Variants in MTREX observed in about 807,000 individuals in gnomAD.
MTREX encodes exosome RNA helicase MTR4.
In MTREX, 76 loss-of-function variants were observed where a neutral mutation model predicts 135.4. The ratio of observed to expected loss-of-function variants is 0.56; its 90% CI spans 0.47 to 0.68. The LOEUF (loss-of-function observed/expected upper bound fraction) is 0.68. MTREX is among the 30% of genes least tolerant of loss of function. The probability of loss-of-function intolerance (pLI) is 0.00; values close to 1 mark genes in which losing one functional copy is unlikely to be tolerated. For missense variants in MTREX, 920 were observed against 1,262.1 expected (o/e 0.73, Z 4.11); for synonymous variants, 404 against 401.6 (o/e 1.01, Z -0.07).
chr5:55,399,879 A>G (rs779441047), intron 20 of MTREX, among the ~76,000 whole-genome samples: 1 of 152,210 alleles, frequency 6.6e-6, no homozygotes, highest in Non-Finnish European at 1.5e-5. Context: ...CAGTTTAAAC[A>G]TAGATGCTCA....
At chr5:55,407,180 G>A (rs1042624779) in intron 22 of MTREX, among the ~76,000 whole-genome samples, 6 of 152,200 alleles carry the variant, frequency 3.9e-5, no homozygotes, top group East Asian at 3.9e-4. Context: ...TAATTATATC[G>A]TTCATCTGTC....
rs1026411078 is a variant in MTREX, at chr5:55,308,000, C to T, written c.-14C>T. 7 of 1,613,986 alleles carry T rather than the reference C, an allele frequency of 4.3e-6. No individual in the cohort carries two copies. In the Admixed American group the frequency reaches 8.3e-5, roughly 19 times the overall value. On this transcript the variant is annotated 5_prime_UTR_variant, in exon 1 of 27. Transcript: ENST00000230640. ...CGTGGGTAGGAGGGAGATTTGCTCTCACTGCTCCCAAAAATGGCGGACGCA... is the reference window on the plus strand; with the variant it reads ...CGTGGGTAGGAGGGAGATTTGCTCTTACTGCTCCCAAAAATGGCGGACGCA...
intron 19 of MTREX, among the ~76,000 whole-genome samples, chr5:55,389,738 C>T (rs142097783): frequency 7.2e-4 from 109 of 152,242 alleles, no homozygotes; most frequent in African/African-American, 2.6e-3. Flanking sequence ...GAAAGAACTT[C>T]ACATTTTTCT....
chr5:55,383,360 A>G (rs952566190), intron 18 of MTREX, among the ~76,000 whole-genome samples: 1 of 152,192 alleles, frequency 6.6e-6, no homozygotes, highest in Non-Finnish European at 1.5e-5. Context: ...TGGATCTGCC[A>G]GAAACAGATT....
intron 16 of MTREX, among the ~76,000 whole-genome samples, chr5:55,372,216 G>C (rs1750214940): frequency 6.6e-6 from 1 of 151,848 alleles, no homozygotes; most frequent in South Asian, 2.1e-4. Context: ...TTTTTTTCCT[G>C]ATAATGTTTA....
intron 9 of MTREX, 138 bp downstream of exon 9, chr5:55,344,758 T>C: frequency 1.7e-6 from 1 of 581,994 alleles, no homozygotes; most frequent in Non-Finnish European, 3.0e-6. Context: ...TCAATCGATC[T>C]TGATTTTTTT....
At chr5:55,391,344 G>A (rs992316636) in intron 19 of MTREX, among the ~76,000 whole-genome samples, 22 of 152,042 alleles carry the variant, frequency 1.4e-4, no homozygotes, top group African/African-American at 3.9e-4. Flanking sequence ...CTGTTTTGGA[G>A]GCTGAAGTGG....
chr5:55,415,899 C>T, intron 24 of MTREX, 71 bp from the exon 25 acceptor site: 4 of 1,130,068 alleles, frequency 3.5e-6, no homozygotes, highest in South Asian at 3.5e-5. Context: ...GGAATACTGG[C>T]TTGGAAACCT....
At chr5:55,309,684 G>C (rs1276863495) in intron 1 of MTREX, among the ~76,000 whole-genome samples, 3 of 152,308 alleles carry the variant, frequency 2.0e-5, no homozygotes, top group Admixed American at 2.0e-4. Context: ...GTAGGAAAAT[G>C]TCCACTGGGT....
intron 2 of MTREX, 50 bp downstream of exon 2, chr5:55,322,514 A>G: frequency 7.0e-7 from 1 of 1,425,654 alleles, no homozygotes; most frequent in Non-Finnish European, 9.4e-7. Context: ...TCAGGTGGTT[A>G]CATGAGGTTT....
At chr5:55,359,825 TC>T (rs1230546953) in intron 15 of MTREX, among the ~76,000 whole-genome samples, 1 of 152,214 alleles carries the variant, frequency 6.6e-6, no homozygotes, top group Non-Finnish European at 1.5e-5. Context: ...AGCATCTGGT[TC>T]CTTTAGTGCA....
At chr5:55,357,403 C>G (rs1167846438) in intron 14 of MTREX, 2 of 153,374 alleles carry the variant, frequency 1.3e-5, no homozygotes, top group Non-Finnish European at 2.9e-5. Flanking sequence ...ACCTGCCTGC[C>G]TCTATGATGA....
At chr5:55,418,572 A>G (rs541173125) in intron 25 of MTREX, among the ~76,000 whole-genome samples, 18 of 151,472 alleles carry the variant, frequency 1.2e-4, no homozygotes, top group African/African-American at 4.4e-4. Context: ...AAAATTTGAG[A>G]AATCCAGTTT....
chr5:55,364,806 TAAAC>T (rs1443153793), intron 15 of MTREX, among the ~76,000 whole-genome samples: 3 of 149,464 alleles, frequency 2.0e-5, no homozygotes, highest in African/African-American at 7.4e-5. Context: ...GAACGCAGAA[TAAAC>T]AAACTCCTAA....
At chr5:55,355,758 G>A (rs76941189) in intron 14 of MTREX, among the ~76,000 whole-genome samples, 4,730 of 152,280 alleles carry the variant, frequency 0.031, 238 homozygotes, top group African/African-American at 0.11. Context: ...CAGGGGCTAC[G>A]AGTCCAGTCA....
intron 1 of MTREX, among the ~76,000 whole-genome samples, chr5:55,313,658 T>C (rs1044781465): frequency 3.3e-5 from 5 of 152,218 alleles, no homozygotes; most frequent in African/African-American, 1.2e-4. Flanking sequence ...ATTTATTGTG[T>C]TCATTTGTTT....
intron 5 of MTREX, among the ~76,000 whole-genome samples, chr5:55,339,463 G>A (rs1231619386): frequency 6.6e-6 from 1 of 152,072 alleles, no homozygotes; most frequent in African/African-American, 2.4e-5. Flanking sequence ...AATGCTATCT[G>A]TCTATATTTA....
chr5:55,414,810 C>G (rs946945258), intron 24 of MTREX, among the ~76,000 whole-genome samples: 6 of 152,004 alleles, frequency 3.9e-5, no homozygotes, highest in Non-Finnish European at 7.4e-5. Flanking sequence ...CCACCACACT[C>G]AGCTAATTTT....
intron 1 of MTREX, among the ~76,000 whole-genome samples, chr5:55,320,096 G>A (rs537925457): frequency 5.3e-5 from 8 of 152,208 alleles, no homozygotes; most frequent in Middle Eastern, 3.4e-3. Flanking sequence ...TAGCTTTTTC[G>A]CAAAATTGGG....
Sources: allele counts gnomAD v4.1 joint callset (sites outside exome capture counted in the v4.1 genomes callset), GRCh38; gene constraint gnomAD v4.1.1; transcripts MANE v1.5; gene names NCBI Gene and HGNC (gene_info 2026-07-23, HGNC 2026-07-21).